RBFOX3: variants seen among roughly 807,000 people sequenced by gnomAD.
The protein encoded by RBFOX3 is RNA binding protein fox-1 homolog 3.
Under a neutral mutation model 48.7 loss-of-function variants are expected in RBFOX3, and 17 were observed. The observed-to-expected ratio is 0.35, with a 90% CI of 0.24 to 0.52. The LOEUF is 0.52. Ranked by LOEUF, RBFOX3 falls within the 20% of genes least tolerant of loss-of-function variation. The pLI is 0.94. For missense variants in RBFOX3, 382 were observed against 497.5 expected, an observed-to-expected ratio of 0.77 and a Z score of 2.21; for synonymous variants, 212 against 209.5, an observed-to-expected ratio of 1.01 and a Z score of -0.10.
At chr17:79,594,998 T>C (rs1323997598) in intron 1 of RBFOX3, among the ~76,000 whole-genome samples, 1 of 152,168 alleles carries the variant, frequency 6.6e-6, no homozygotes, top group Admixed American at 6.5e-5. Context: ...GAGACCAGAC[T>C]GGACCATGTT....
chr17:79,370,361 T>C (rs1342830018), intron 2 of RBFOX3, among the ~76,000 whole-genome samples: 2 of 152,190 alleles, frequency 1.3e-5, no homozygotes, highest in Non-Finnish European at 2.9e-5. Flanking sequence ...ACTTGCAGAA[T>C]GCACTTGCTG....
At chr17:79,412,008 T>G (rs1473605559) in intron 2 of RBFOX3, among the ~76,000 whole-genome samples, 6 of 152,176 alleles carry the variant, frequency 3.9e-5, no homozygotes, top group African/African-American at 1.4e-4. Context: ...GTGTGCAGCA[T>G]GTATGCACAT....
At chr17:79,415,372 G>A (rs947325837) in intron 2 of RBFOX3, among the ~76,000 whole-genome samples, 1 of 152,162 alleles carries the variant, frequency 6.6e-6, no homozygotes, top group Non-Finnish European at 1.5e-5. Context: ...TGATCCTGGG[G>A]GTCAGAGTAC....
At chr17:79,346,114 G>A (rs1305492311) in intron 2 of RBFOX3, among the ~76,000 whole-genome samples, 1 of 151,940 alleles carries the variant, frequency 6.6e-6, no homozygotes, top group Non-Finnish European at 1.5e-5. Flanking sequence ...TAGAGATGAG[G>A]GTTCCATCAT....
At chr17:79,108,704 C>A (rs2077911398) in intron 5 of RBFOX3, among the ~76,000 whole-genome samples, 2 of 152,282 alleles carry the variant, frequency 1.3e-5, no homozygotes, top group South Asian at 2.1e-4. Flanking sequence ...TGCTCCCCTG[C>A]ATTTCCGCAT....
chr17:79,378,919 C>G (rs946167231), intron 2 of RBFOX3, among the ~76,000 whole-genome samples: 27 of 152,224 alleles, frequency 1.8e-4, no homozygotes, highest in African/African-American at 6.3e-4. Flanking sequence ...CTATTTGCCT[C>G]TGCTCCAGCC....
intron 3 of RBFOX3, 140 bp from the exon 4 acceptor site, chr17:79,235,945 A>G (rs1422215551): frequency 6.5e-6 from 1 of 152,932 alleles, no homozygotes; most frequent in African/African-American, 2.4e-5. Context: ...GTCCAAGGAA[A>G]CCTGCCTGGG....
chr17:79,124,845 T>C (rs2147277543), intron 4 of RBFOX3, among the ~76,000 whole-genome samples: 1 of 152,134 alleles, frequency 6.6e-6, no homozygotes, highest in Non-Finnish European at 1.5e-5. Flanking sequence ...TCTGGTGTAT[T>C]TGGTCCCCTG....
intron 2 of RBFOX3, among the ~76,000 whole-genome samples, chr17:79,329,479 T>G (rs2079874348): frequency 6.6e-6 from 1 of 152,126 alleles, no homozygotes; most frequent in Non-Finnish European, 1.5e-5. Flanking sequence ...TGGTGTTACG[T>G]GGCCACGCCA....
Position 79,299,892 on chromosome 17 carries a change from G to A in RBFOX3, c.-74+7832C>T, listed in dbSNP as rs867637190. Among the ~76,000 whole-genome samples the A allele has an allele frequency of 5.5e-4, 84 of 151,858 alleles. 1 individual carries two copies. The Middle Eastern group carries it at 0.01, about 18-fold the overall frequency. ...CAGTACCCCACACAGGCCTCCAAAG[G>A]AATCTGCCGACACTCTTTTTTTTTT... On this transcript the variant is annotated intron_variant, in intron 3 of 14. Coordinates refer to ENST00000693108, the MANE Select transcript of RBFOX3 (RefSeq NM_001350451.2). This position sits in a 1 kb window ranked among gnomAD's most constrained non-coding sequence, Gnocchi z 4.5.
At position 79,311,063 on chromosome 17, in the gene RBFOX3, G is replaced by A. The variant is rs1036729727; in HGVS notation, c.-174-3239C>T. On this transcript the variant is annotated intron_variant, in intron 2 of 14. Coordinates refer to ENST00000693108, the MANE Select transcript of RBFOX3 (RefSeq NM_001350451.2). The surrounding 1 kb of genome is among the most constrained non-coding windows in gnomAD (Gnocchi z 4.2). ...GTGGGTGGGCTTCATCCAGTCAGTC[G>A]AAAGGCTTCATCCGGTCAGTTAAAA... Among the ~76,000 whole-genome samples, 3 of 152,210 alleles carry A rather than the reference G, an allele frequency of 2.0e-5. 1 individual carries two copies. In the East Asian group the frequency reaches 5.8e-4, roughly 29 times the overall value.
At position 79,094,369 on chromosome 17, in the gene RBFOX3, C is replaced by T. The variant is rs767634228; in HGVS notation, c.1077+82G>A. ...GGACCAAGGCATTGGTCAGAGGGCTCGGCCTCTCCCCCAAGGGCCTCACCA... is the reference window on the plus strand; with the variant it reads ...GGACCAAGGCATTGGTCAGAGGGCTTGGCCTCTCCCCCAAGGGCCTCACCA... On this transcript the variant is annotated intron_variant, in intron 14 of 14. Transcript: ENST00000693108. 4.5e-5 allele frequency: 46 copies of T among 1,014,500 alleles called. No homozygotes were observed. In the East Asian group the frequency reaches 1.1e-3, roughly 23 times the overall value. The allele number at this position is 1,014,500 out of a possible 1,614,324, so 62.8% of individuals were successfully genotyped here.
chr17:79,650,329 G>A, the RBFOX3 span, among the ~76,000 whole-genome samples: 1 of 152,098 alleles, frequency 6.6e-6, no homozygotes, highest in Non-Finnish European at 1.5e-5. Flanking sequence ...AGGGACCTGT[G>A]GGGTGGGCCA....
At chr17:79,140,132 T>C (rs553313115) in intron 4 of RBFOX3, among the ~76,000 whole-genome samples, 10 of 152,376 alleles carry the variant, frequency 6.6e-5, no homozygotes, top group South Asian at 4.1e-4. Context: ...TCGCATGTCA[T>C]TGACCAGACT....
At chr17:79,444,126 G>A (rs189297112) in intron 2 of RBFOX3, among the ~76,000 whole-genome samples, 46 of 152,302 alleles carry the variant, frequency 3.0e-4, no homozygotes, top group African/African-American at 1.1e-3. Context: ...ATGTGGGAAG[G>A]ATACATTGAG....
chr17:79,420,657 C>T (rs144105589), intron 2 of RBFOX3, among the ~76,000 whole-genome samples: 19 of 152,328 alleles, frequency 1.2e-4, no homozygotes, highest in Non-Finnish European at 2.5e-4. Flanking sequence ...GCTTGCCTCC[C>T]AGCCACTGCT....
At position 79,268,360 on chromosome 17, in the gene RBFOX3, C is replaced by T. The variant is rs147536581; in HGVS notation, c.-73-32555G>A. On this transcript the variant is annotated intron_variant, in intron 3 of 14. Coordinates refer to ENST00000693108, the MANE Select transcript of RBFOX3 (RefSeq NM_001350451.2). ...AAAGTTCTCCCCTGGGCATGACCGA[C>T]ATTGCCTCTTGATGGCTTCCCCATG... Among the ~76,000 whole-genome samples, 1,415 of 152,294 alleles carry T rather than the reference C, an allele frequency of 9.3e-3. 21 individuals carry two copies. Among genetic ancestry groups the T allele is most frequent in the African/African-American group, 0.032 (1,341 of 41,560 alleles).
rs2078748383 is a variant in RBFOX3, at chr17:79,481,312, C to T, written c.-175+1142G>A. Among the ~76,000 whole-genome samples, 1 of 152,164 alleles carries T rather than the reference C, an allele frequency of 6.6e-6. No homozygotes were observed. The highest frequency in any genetic ancestry group is 2.4e-5 in the African/African-American group (1 of 41,430). On this transcript the variant is annotated intron_variant, in intron 2 of 14. Transcript: ENST00000693108. The surrounding 1 kb of genome is among the most constrained non-coding windows in gnomAD (Gnocchi z 5.4). ...CCTCCCTGCCTGGGGGTCGCTGACC[C>T]ACAGCTTTGCATTGTCTATCAGCAG...
rs1489859237 is a variant in RBFOX3, at chr17:79,482,790, G to A, written c.-319-192C>T. Among the ~76,000 whole-genome samples, 1 of 152,062 alleles carries A rather than the reference G, an allele frequency of 6.6e-6. No homozygotes were observed. The highest frequency in any genetic ancestry group is 1.9e-4 in the East Asian group (1 of 5,194). On this transcript the variant is annotated intron_variant, in intron 1 of 14. Coordinates refer to ENST00000693108, the MANE Select transcript of RBFOX3 (RefSeq NM_001350451.2). This position sits in a 1 kb window ranked among gnomAD's most constrained non-coding sequence, Gnocchi z 4.1. ...ACTTTGCTTTTTATGCCCCAGGGGA[G>A]TAAAAGGAAACTTGCAGAAAACACA...
Sources: gnomAD v4.1 joint callset for allele counts (sites outside exome capture counted in the v4.1 genomes callset) on GRCh38, gnomAD v4.1.1 for gene constraint, Gnocchi (gnomAD v3.1) non-coding constraint, MANE v1.5 for transcripts, NCBI Gene and HGNC (gene_info 2026-07-23, HGNC 2026-07-21) for gene names.